Variants in SCHIP1 observed in about 807,000 individuals in gnomAD.
SCHIP1 encodes the protein schwannomin interacting protein 1.
A neutral mutation model predicts 29.7 loss-of-function variants in SCHIP1; 8 were observed. The observed-to-expected ratio is 0.27, with a 90% CI of 0.16 to 0.49. SCHIP1 has a LOEUF of 0.49. Among genes scored for constraint, SCHIP1 ranks in the 20% least tolerant of loss-of-function variants. The probability of loss-of-function intolerance (pLI) is 0.99; values close to 1 mark genes in which losing one functional copy is unlikely to be tolerated. For synonymous variants in SCHIP1, 76 were observed against 94.9 expected (o/e 0.80, Z 1.16); for missense variants, 193 against 294.6 (o/e 0.66, Z 2.52).
chr3:159,432,544 A>G, the SCHIP1 span, among the ~76,000 whole-genome samples: 2 of 152,174 alleles, frequency 1.3e-5, no homozygotes, highest in Non-Finnish European at 2.9e-5. Flanking sequence ...AGGAGTATCA[A>G]GGAACTTGTG....
the SCHIP1 span, among the ~76,000 whole-genome samples, chr3:159,372,086 T>C: frequency 6.6e-6 from 1 of 152,182 alleles, no homozygotes; most frequent in Non-Finnish European, 1.5e-5. Flanking sequence ...ATATTCATAT[T>C]GGTCAAAGAA....
At chr3:159,494,569 C>A in the SCHIP1 span, among the ~76,000 whole-genome samples, 1 of 152,198 alleles carries the variant, frequency 6.6e-6, no homozygotes, top group Non-Finnish European at 1.5e-5. Context: ...ATTTGAATCT[C>A]TGATTAGACC....
the SCHIP1 span, chr3:159,274,285 AG>A: frequency 1.0e-6 from 1 of 985,230 alleles, no homozygotes. Flanking sequence ...CAGTTTGGGA[AG>A]ATCAGTGTTA....
the SCHIP1 span, among the ~76,000 whole-genome samples, chr3:159,300,113 C>CTGTTTTTTTTTT: frequency 2.2e-5 from 1 of 45,358 alleles, no homozygotes; most frequent in Non-Finnish European, 4.0e-5. Flanking sequence ...GGGAAAGCTG[C>CTGTTTTTTTTTT]TTTTTTTTTT....
chr3:159,735,306 T>C, the SCHIP1 span, among the ~76,000 whole-genome samples: 4 of 151,872 alleles, frequency 2.6e-5, no homozygotes, highest in African/African-American at 9.7e-5. Context: ...CTCAGCTCAC[T>C]GCAACCTCTG....
At chr3:159,769,643 G>A in the SCHIP1 span, among the ~76,000 whole-genome samples, 4 of 152,092 alleles carry the variant, frequency 2.6e-5, no homozygotes, top group Non-Finnish European at 5.9e-5. Flanking sequence ...CCAGCTACTC[G>A]GGAGGCTGAG....
the SCHIP1 span, among the ~76,000 whole-genome samples, chr3:159,382,742 A>G: frequency 6.6e-6 from 1 of 151,934 alleles, no homozygotes; most frequent in Non-Finnish European, 1.5e-5. Flanking sequence ...AAGTGTTCCT[A>G]TTTCTCCACA....
At chr3:159,819,435 G>A in the SCHIP1 span, among the ~76,000 whole-genome samples, 1 of 152,118 alleles carries the variant, frequency 6.6e-6, no homozygotes, top group African/African-American at 2.4e-5. Flanking sequence ...ATTTAGGGAC[G>A]TATTTTAAAA....
chr3:159,693,721 C>T, the SCHIP1 span, among the ~76,000 whole-genome samples: 1 of 152,110 alleles, frequency 6.6e-6, no homozygotes, highest in African/African-American at 2.4e-5. Flanking sequence ...AAGCAAACAA[C>T]AATGAAAATT....
At chr3:159,358,798 T>A in the SCHIP1 span, among the ~76,000 whole-genome samples, 1 of 152,004 alleles carries the variant, frequency 6.6e-6, no homozygotes, top group African/African-American at 2.4e-5. Context: ...ATAGGTGAGA[T>A]GTAGATGACT....
At chr3:159,495,965 C>G in the SCHIP1 span, among the ~76,000 whole-genome samples, 1 of 152,186 alleles carries the variant, frequency 6.6e-6, no homozygotes, top group Non-Finnish European at 1.5e-5. Context: ...CTACAACTAC[C>G]TGATCTTTGA....
the SCHIP1 span, among the ~76,000 whole-genome samples, chr3:159,358,135 G>T: frequency 6.6e-6 from 1 of 152,234 alleles, no homozygotes; most frequent in Non-Finnish European, 1.5e-5. Flanking sequence ...AGCAATGGCT[G>T]TCATGGAAGC....
At chr3:159,316,969 A>C in the SCHIP1 span, among the ~76,000 whole-genome samples, 5 of 152,274 alleles carry the variant, frequency 3.3e-5, no homozygotes, top group African/African-American at 9.6e-5. Flanking sequence ...CCCATTCTGT[A>C]TTCCCTTTGC....
the SCHIP1 span, among the ~76,000 whole-genome samples, chr3:159,759,082 T>C: frequency 1.3e-5 from 2 of 152,212 alleles, no homozygotes; most frequent in East Asian, 3.8e-4. Flanking sequence ...TTTTTTTAAT[T>C]GAGGAAAATG....
the SCHIP1 span, among the ~76,000 whole-genome samples, chr3:159,479,087 G>C: frequency 6.6e-6 from 1 of 151,842 alleles, no homozygotes; most frequent in Non-Finnish European, 1.5e-5. Context: ...TATTTACAAA[G>C]GTTTAAAAAG....
At chr3:159,667,080 G>T in the SCHIP1 span, among the ~76,000 whole-genome samples, 1 of 152,198 alleles carries the variant, frequency 6.6e-6, no homozygotes, top group East Asian at 1.9e-4. Flanking sequence ...TCCACAGTAA[G>T]CCCTCAGTAT....
chr3:159,468,779 T>TATATA, the SCHIP1 span, among the ~76,000 whole-genome samples: 1 of 98,688 alleles, frequency 1.0e-5, no homozygotes, highest in African/African-American at 4.1e-5. Context: ...ATATATATAT[T>TATATA]TTTTTTAGAT....
the SCHIP1 span, among the ~76,000 whole-genome samples, chr3:159,795,465 C>T: frequency 1.3e-5 from 2 of 152,212 alleles, no homozygotes; most frequent in Admixed American, 6.5e-5. Context: ...TCTGTTGGCT[C>T]AATTTCCAGA....
At chr3:159,611,533 G>GT in the SCHIP1 span, among the ~76,000 whole-genome samples, 1 of 148,916 alleles carries the variant, frequency 6.7e-6, no homozygotes, top group East Asian at 2.0e-4. Flanking sequence ...GTGTTGGGGG[G>GT]TGGGGGGGAA....
Sources: allele counts gnomAD v4.1 joint callset (sites outside exome capture counted in the v4.1 genomes callset), GRCh38; gene constraint gnomAD v4.1.1; transcripts MANE v1.5; gene names NCBI Gene and HGNC (gene_info 2026-07-23, HGNC 2026-07-21).